The following TENM2 variants were observed in gnomAD, a reference collection of about 807,000 sequenced individuals.
The protein encoded by TENM2 is teneurin-2.
In TENM2, 52 loss-of-function variants were observed where a neutral mutation model predicts 245.2. That is an observed-to-expected ratio of 0.21 (90% confidence interval 0.17 to 0.27). The LOEUF is 0.27. Among genes scored for constraint, TENM2 ranks in the 10% least tolerant of loss-of-function variants. The pLI, the probability that TENM2 is intolerant of heterozygous loss-of-function variation, is 1.00. For synonymous variants in TENM2, 1,363 were observed against 1,438.9 expected, an observed-to-expected ratio of 0.95 and a Z score of 1.19; for missense variants, 3,046 against 3,666.8, an observed-to-expected ratio of 0.83 and a Z score of 4.37.
chr5:167,331,772 A>G (rs1326857036), intron 1 of TENM2, among the ~76,000 whole-genome samples: 1 of 152,184 alleles, frequency 6.6e-6, no homozygotes, highest in African/African-American at 2.4e-5. Context: ...TTATCACAGA[A>G]GATAATACGG....
intron 2 of TENM2, among the ~76,000 whole-genome samples, chr5:167,476,271 A>G (rs1337536164): frequency 6.6e-6 from 1 of 152,214 alleles, no homozygotes. Flanking sequence ...CATATCAATG[A>G]ACTTTTTGTA....
At chr5:167,452,318 G>A (rs1366980828) in intron 2 of TENM2, among the ~76,000 whole-genome samples, 1 of 152,146 alleles carries the variant, frequency 6.6e-6, no homozygotes, top group African/African-American at 2.4e-5. Context: ...GTCTGTTATG[G>A]CTCTCTTGTC....
At chr5:167,519,897 G>A (rs10072050) in intron 2 of TENM2, among the ~76,000 whole-genome samples, 6,610 of 152,182 alleles carry the variant, frequency 0.043, 501 homozygotes, top group African/African-American at 0.15. Flanking sequence ...AATGTTAGTT[G>A]TAACTCTGAT....
chr5:167,638,125 G>A (rs1203257182), intron 2 of TENM2, among the ~76,000 whole-genome samples: 1 of 149,762 alleles, frequency 6.7e-6, no homozygotes, highest in Admixed American at 6.6e-5. Flanking sequence ...GTGTGTGTGT[G>A]TGTGTGTGTG....
At chr5:167,616,191 T>C (rs2127760075) in intron 2 of TENM2, among the ~76,000 whole-genome samples, 2 of 152,270 alleles carry the variant, frequency 1.3e-5, no homozygotes, top group South Asian at 4.1e-4. Context: ...TCACCAGATA[T>C]GATGCACTTT....
At chr5:168,163,477 A>AT (rs1193402874) in intron 13 of TENM2, among the ~76,000 whole-genome samples, 8 of 152,246 alleles carry the variant, frequency 5.3e-5, no homozygotes, top group African/African-American at 1.7e-4. Flanking sequence ...TAATTGACAT[A>AT]TAAAAAGTTG....
chr5:168,108,860 G>C (rs1245000849), intron 9 of TENM2, among the ~76,000 whole-genome samples: 1 of 151,496 alleles, frequency 6.6e-6, no homozygotes, highest in African/African-American at 2.5e-5. Context: ...CTGCACCGCG[G>C]AGAACAATGA....
intron 2 of TENM2, among the ~76,000 whole-genome samples, chr5:167,670,220 G>T (rs1755843300): frequency 6.6e-6 from 1 of 152,112 alleles, no homozygotes; most frequent in African/African-American, 2.4e-5. Flanking sequence ...CAAAAAGATG[G>T]ATGGCAATGC....
the TENM2 span, among the ~76,000 whole-genome samples, chr5:167,151,721 G>A: frequency 1.3e-5 from 2 of 152,230 alleles, no homozygotes; most frequent in Admixed American, 6.5e-5. Flanking sequence ...GTTTCACCAT[G>A]TTGGCCACGA....
the TENM2 span, among the ~76,000 whole-genome samples, chr5:167,029,993 T>C: frequency 6.6e-6 from 1 of 152,126 alleles, no homozygotes; most frequent in African/African-American, 2.4e-5. Context: ...GCCACATGAG[T>C]ACTCTTCTGA....
intron 2 of TENM2, among the ~76,000 whole-genome samples, chr5:167,854,533 AC>A (rs1770891102): frequency 1.3e-5 from 2 of 152,186 alleles, no homozygotes; most frequent in African/African-American, 4.8e-5. Context: ...CTGTTCCAAA[AC>A]ATCTAAAAGC....
intron 12 of TENM2, among the ~76,000 whole-genome samples, chr5:168,158,753 A>G (rs1399724101): frequency 6.8e-6 from 1 of 146,472 alleles, no homozygotes; most frequent in Non-Finnish European, 1.5e-5. Context: ...TGAGGTCAGG[A>G]GTTCAAGACC....
intron 3 of TENM2, 93 bp downstream of exon 5, chr5:167,876,288 G>A: frequency 3.6e-6 from 4 of 1,114,350 alleles, no homozygotes; most frequent in African/African-American, 1.5e-5. Flanking sequence ...CAAGGGCTGG[G>A]GGAAGGTGGT....
intron 1 of TENM2, among the ~76,000 whole-genome samples, chr5:167,353,336 G>GA (rs1759055399): frequency 6.8e-6 from 1 of 146,476 alleles, no homozygotes. Flanking sequence ...GGGGTGGTGG[G>GA]GGTGCAGAAA....
intron 5 of TENM2, among the ~76,000 whole-genome samples, chr5:168,031,743 G>A (rs368371756): frequency 6.8e-6 from 1 of 146,976 alleles, no homozygotes; most frequent in Middle Eastern, 3.5e-3. Context: ...GAAGGAGTGA[G>A]GGAGGAAGGG....
intron 2 of TENM2, among the ~76,000 whole-genome samples, chr5:167,554,237 T>C (rs1477000546): frequency 6.6e-6 from 1 of 152,208 alleles, no homozygotes; most frequent in Non-Finnish European, 1.5e-5. Context: ...ATGGTTAAAT[T>C]GAAGTAAGGA....
At chr5:167,103,761 A>T in the TENM2 span, among the ~76,000 whole-genome samples, 1 of 151,984 alleles carries the variant, frequency 6.6e-6, no homozygotes, top group Non-Finnish European at 1.5e-5. Flanking sequence ...CACTCCTTGG[A>T]CTACAAGTCC....
At chr5:167,444,661 T>C (rs1166041241) in intron 2 of TENM2, among the ~76,000 whole-genome samples, 1 of 152,202 alleles carries the variant, frequency 6.6e-6, no homozygotes, top group East Asian at 1.9e-4. Flanking sequence ...GTTTTTACTA[T>C]ATTGTTTGTA....
chr5:167,345,910 C>T (rs200308382), intron 1 of TENM2, among the ~76,000 whole-genome samples: 1 of 114,466 alleles, frequency 8.7e-6, no homozygotes. Context: ...AAAAAAAAAA[C>T]AAGTAATCAG....
Sources: allele counts gnomAD v4.1 joint callset (sites outside exome capture counted in the v4.1 genomes callset), GRCh38; gene constraint gnomAD v4.1.1; transcripts MANE v1.5; gene names NCBI Gene and HGNC (gene_info 2026-07-23, HGNC 2026-07-21).